Variants in AKAP17A observed in about 807,000 individuals in gnomAD.
The protein encoded by AKAP17A is A-kinase anchoring protein 17A, also known as A-kinase anchor protein 17A.
A neutral mutation model predicts 52.2 loss-of-function variants in AKAP17A; 15 were observed. The observed-to-expected ratio is 0.29, with a 90% CI of 0.19 to 0.44. The LOEUF (loss-of-function observed/expected upper bound fraction) is 0.44. Among genes scored for constraint, AKAP17A ranks in the 20% least tolerant of loss-of-function variants. The pLI is 1.00. For synonymous variants in AKAP17A, 514 were observed against 424.7 expected, an observed-to-expected ratio of 1.21 and a Z score of -2.58; for missense variants, 1,060 against 1,007.0, an observed-to-expected ratio of 1.05 and a Z score of -0.71.
rs201695561 is a variant in AKAP17A at position 1,599,176 on chromosome X, G to A, written c.912-16G>A. On this transcript the variant is annotated splice_polypyrimidine_tract_variant and intron_variant, in intron 3 of 4. Coordinates refer to ENST00000313871, the MANE Select transcript of AKAP17A (RefSeq NM_005088.3). ...TGCGGCGCTCTCTGTGACCACCCCC[G>A]GTGTGTTCCACACAGGAAACAAAAG... 5.5e-4 allele frequency: 884 copies of A among 1,610,244 alleles called. 2 individuals are homozygous for A. The African/African-American group carries it at 9.2e-3, about 17-fold the overall frequency.
At position 1,601,292 on chromosome X, in the gene AKAP17A, G is replaced by C; in HGVS notation, c.1786G>C (p.Ala596Pro). The C allele has an allele frequency of 1.9e-6, 3 of 1,610,856 alleles. No homozygotes were observed. The highest frequency in any genetic ancestry group is 2.5e-6 in the Non-Finnish European group (3 of 1,179,084). Residue 596 changes from alanine (A) to proline (P), a missense_variant, in exon 5 of 5, where the codon GCT becomes CCT. Coordinates refer to ENST00000313871, the MANE Select transcript of AKAP17A (RefSeq NM_005088.3). ...GGGCCGGGCCACCGGAGACGGGCTT[G>C]CTGACCGGCACAAGCGGGAGAGGAG... ...GRGRATGDGL[A>P]DRHKRERSRA...
chrX:1,595,997 G>A (rs1380773843), intron 3 of AKAP17A, among the ~76,000 whole-genome samples: 10 of 152,090 alleles, frequency 6.6e-5, no homozygotes, highest in South Asian at 4.1e-4. Context: ...TGTTTGAGAC[G>A]CAGCAGAATA....
intron 4 of AKAP17A, chrX:1,600,197 C>T (rs1933278501): frequency 7.6e-7 from 1 of 1,310,474 alleles, no homozygotes. Flanking sequence ...CAGCCCAGTC[C>T]TTACCTCATG....
chrX:1,597,180 C>G (rs1360932189), intron 3 of AKAP17A, among the ~76,000 whole-genome samples: 7 of 152,142 alleles, frequency 4.6e-5, no homozygotes, highest in Non-Finnish European at 4.4e-5. Flanking sequence ...AGTCCCGGCA[C>G]TGAACTCCTG....
chrX:1,593,295 T>C, intron 1 of AKAP17A, 149 bp from the exon 2 acceptor site: 1 of 792,456 alleles, frequency 1.3e-6, no homozygotes, highest in Non-Finnish European at 2.1e-6. Context: ...AGATGGCTGT[T>C]AACAAAGTGG....
rs776491568 is a variant in AKAP17A at position 1,600,982 on chromosome X, G to T, written c.1476G>T (p.Pro492=). The change falls in exon 5 of 5, where the codon CCG becomes CCT. Residue 492 remains proline (P), a synonymous_variant. Coordinates refer to ENST00000313871, the MANE Select transcript of AKAP17A (RefSeq NM_005088.3). ...TGCACCCCCTCGGGGGCCAGCCCCC[G>T]GCCGGTGCCCCCAAGGAGAGCCCGG... The part of the protein sequence containing the change: ...TTLHPLGGQP[P]AGAPKESPAH... 1.9e-6 allele frequency: 3 copies of T among 1,596,886 alleles called. No individual in the cohort carries two copies. Among genetic ancestry groups the T allele is most frequent in the Non-Finnish European group, 2.6e-6 (3 of 1,173,156 alleles).
intron 1 of AKAP17A, among the ~76,000 whole-genome samples, chrX:1,592,591 C>G (rs1413872205): frequency 6.6e-6 from 1 of 152,102 alleles, no homozygotes; most frequent in African/African-American, 2.4e-5. Flanking sequence ...TTTCGCACCT[C>G]CCACCTCGGG....
Position 1,599,247 on chromosome X carries a change from C to T in AKAP17A, c.967C>T (p.Arg323Cys), listed in dbSNP as rs749621675. 38 of 1,612,522 alleles carry T rather than the reference C, an allele frequency of 2.4e-5. No homozygotes were observed. The highest frequency in any genetic ancestry group is 2.8e-5 in the Non-Finnish European group (33 of 1,179,842). Residue 323 changes from arginine to cysteine, a missense_variant, in exon 4 of 5, where the codon CGC (arginine) becomes TGC (cysteine). Physicochemically the swap from Arg to Cys is radical, Grantham distance 180. This residue lies in a region of AKAP17A where 793 missense variants were observed against 629.9 expected (regional missense o/e 1.26). Coordinates refer to ENST00000313871, the MANE Select transcript of AKAP17A (RefSeq NM_005088.3). Reference sequence around the variant, plus strand: ...AGAGAGGAAAAGAGAAGAGAAGCTTCGCAAGAGGGAGCAGAAGCAGAGGGA... The same window carrying T: ...AGAGAGGAAAAGAGAAGAGAAGCTTTGCAAGAGGGAGCAGAAGCAGAGGGA... ...ERERKREEKL[R>C]KREQKQRDRE...
chrX:1,598,370 C>T (rs1933136368), intron 3 of AKAP17A, among the ~76,000 whole-genome samples: 1 of 152,152 alleles, frequency 6.6e-6, no homozygotes. Context: ...GTCCCCGTGT[C>T]TCCTCTCCCC....
rs1477026240 is a variant in AKAP17A, at chrX:1,599,198, A to G, written c.918A>G (p.Gln306=). The G allele has an allele frequency of 1.9e-6, 3 of 1,611,624 alleles. No individual in the cohort carries two copies. Among genetic ancestry groups the G allele is most frequent in the Admixed American group, 1.7e-5 (1 of 59,798 alleles). ...EERQRAEERK[Q]KELEELERER... is the part of the protein sequence containing the mutation. ...CCCGGTGTGTTCCACACAGGAAACA[A>G]AAGGAGCTGGAAGAGCTGGAGCGAG... Residue 306 remains glutamine, a synonymous_variant, in exon 4 of 5, where the codon CAA becomes CAG. Coordinates refer to ENST00000313871, the MANE Select transcript of AKAP17A (RefSeq NM_005088.3).
intron 1 of AKAP17A, among the ~76,000 whole-genome samples, chrX:1,592,811 G>T (rs765014406): frequency 6.6e-6 from 1 of 152,288 alleles, no homozygotes; most frequent in East Asian, 1.9e-4. Context: ...AGGCGCAGAC[G>T]GGGGACTCCG....
At chrX:1,599,143 G>A (rs1372226463) in intron 3 of AKAP17A, 49 bp from the exon 4 acceptor site, 3 of 1,597,778 alleles carry the variant, frequency 1.9e-6, no homozygotes, top group Non-Finnish European at 2.6e-6. Flanking sequence ...GGTGTGTGGT[G>A]TGTTGGCTGC....
At position 1,593,041 on chromosome X, in the gene AKAP17A, C is replaced by T. The variant is rs370979376; in HGVS notation, c.-19-403C>T. On this transcript the variant is annotated intron_variant, in intron 1 of 4. Coordinates refer to ENST00000313871, the MANE Select transcript of AKAP17A (RefSeq NM_005088.3). ...GCTCTCCCTGGCCCCTTCCCTTCCC[C>T]AGTGTCTCTCTGCCCCTTCCCGTGG... is the stretch of plus-strand genomic sequence containing the variant. Among the ~76,000 whole-genome samples, 8 of 152,252 alleles carry T rather than the reference C, an allele frequency of 5.3e-5. No individual in the cohort carries two copies. The East Asian group carries it at 1.2e-3, about 22-fold the overall frequency.
intron 3 of AKAP17A, among the ~76,000 whole-genome samples, chrX:1,598,713 G>A (rs1285207793): frequency 2.0e-5 from 3 of 152,168 alleles, no homozygotes; most frequent in Non-Finnish European, 4.4e-5. Flanking sequence ...TTTGTTTAGA[G>A]AGAGGTCCCC....
At chrX:1,592,281 C>T (rs1932851793) in intron 1 of AKAP17A, among the ~76,000 whole-genome samples, 2 of 151,768 alleles carry the variant, frequency 1.3e-5, no homozygotes. Flanking sequence ...TACCGAGTGG[C>T]CAAGGGCCTG....
intron 4 of AKAP17A, chrX:1,600,331 C>T (rs768422216): frequency 5.0e-5 from 36 of 724,302 alleles, no homozygotes; most frequent in South Asian, 1.7e-4. Context: ...TAACCGCAGG[C>T]GCCTGTGTGC....
At chrX:1,598,130 T>C (rs1933114380) in intron 3 of AKAP17A, among the ~76,000 whole-genome samples, 1 of 152,164 alleles carries the variant, frequency 6.6e-6, no homozygotes, top group South Asian at 2.1e-4. Flanking sequence ...TCGCTGTGGG[T>C]CCCGCCTAAG....
In AKAP17A at chrX:1,601,711, C is replaced by G; in HGVS notation, c.*117C>G. On this transcript the variant is annotated 3_prime_UTR_variant, in exon 5 of 5. Transcript: ENST00000313871. ...TGCAAAGCCAAGACCCTTCTGCAGC[C>G]ACGAATGTCCACGGAGCCCGCCGGC... 1.0e-6 allele frequency: 1 copy of G among 955,158 alleles called. No homozygotes were observed. The allele number at this position is 955,158 out of a possible 1,614,324, so 59.2% of individuals were successfully genotyped here.
At chrX:1,595,991 T>C (rs1337524251) in intron 3 of AKAP17A, among the ~76,000 whole-genome samples, 38 of 152,240 alleles carry the variant, frequency 2.5e-4, no homozygotes, top group African/African-American at 9.1e-4. Context: ...AGTGGCTGTT[T>C]GAGACGCAGC....
Sources: gnomAD v4.1 joint callset for allele counts (sites outside exome capture counted in the v4.1 genomes callset) on GRCh38, gnomAD v4.1.1 for gene constraint, gnomAD v4.1.1 regional missense constraint, MANE v1.5 for transcripts, NCBI Gene and HGNC (gene_info 2026-07-23, HGNC 2026-07-21) for gene names.